The following BRINP1 variants were observed in gnomAD, a reference collection of about 807,000 sequenced individuals.
BRINP1 encodes the protein BMP/retinoic acid-inducible neural-specific protein 1.
Under a neutral mutation model 72.9 loss-of-function variants are expected in BRINP1, and 17 were observed. That is an observed-to-expected ratio of 0.23 (90% CI 0.16 to 0.35). The LOEUF (loss-of-function observed/expected upper bound fraction) is 0.35, where lower values mean the gene tolerates loss of function less well. Among genes scored for constraint, BRINP1 ranks in the 10% least tolerant of loss-of-function variants. The pLI is 1.00. For missense variants in BRINP1, 850 were observed against 1,001.6 expected (o/e 0.85, Z 2.04); for synonymous variants, 418 against 378.5 (o/e 1.10, Z -1.21).
At chr9:119,253,560 C>G (rs1026735930) in intron 2 of BRINP1, among the ~76,000 whole-genome samples, 2 of 151,762 alleles carry the variant, frequency 1.3e-5, no homozygotes, top group African/African-American at 4.8e-5. Context: ...AAATGGACCT[C>G]GTGAAGATAG....
chr9:119,340,147 C>A (rs1831392042), intron 1 of BRINP1, among the ~76,000 whole-genome samples: 2 of 152,176 alleles, frequency 1.3e-5, no homozygotes, highest in East Asian at 3.8e-4. Context: ...ATTTAGAATT[C>A]ATACCCCACC....
At chr9:119,255,656 C>T (rs189936244) in intron 2 of BRINP1, among the ~76,000 whole-genome samples, 46 of 152,110 alleles carry the variant, frequency 3.0e-4, no homozygotes, top group Admixed American at 9.8e-4. Context: ...GACATGATTA[C>T]GAGACAGAAA....
At chr9:119,275,739 CTG>C (rs1830650297) in intron 2 of BRINP1, among the ~76,000 whole-genome samples, 1 of 152,180 alleles carries the variant, frequency 6.6e-6, no homozygotes, top group South Asian at 2.1e-4. Flanking sequence ...AAAGCATGAG[CTG>C]TGTGTCTCTG....
rs545096450 is a variant in BRINP1 at position 119,171,005 on chromosome 9, C to G, written c.1146-2781G>C. On this transcript the variant is annotated intron_variant, in intron 7 of 7. Transcript: ENST00000265922. Reference sequence around the variant, plus strand: ...AGCGCTAAACATGGAAAGGAACAACCGGTACCAGCCGCTGCAAAATCATGC... The same window carrying G: ...AGCGCTAAACATGGAAAGGAACAACGGGTACCAGCCGCTGCAAAATCATGC... 4.9e-4 allele frequency among the ~76,000 whole-genome samples: 70 copies of G among 143,844 alleles called. 1 individual carries two copies. The highest frequency in any genetic ancestry group is 1.0e-3 in the Admixed American group (15 of 14,782). 94.4% of individuals were successfully genotyped at this position (143,844 alleles called of 152,430 possible).
intron 2 of BRINP1, among the ~76,000 whole-genome samples, chr9:119,251,129 T>C (rs1161557615): frequency 1.3e-5 from 2 of 152,210 alleles, no homozygotes; most frequent in Non-Finnish European, 2.9e-5. Context: ...ATTCAAGACA[T>C]AGTTCAAATT....
intron 5 of BRINP1, among the ~76,000 whole-genome samples, chr9:119,220,591 G>C (rs141640766): frequency 6.6e-6 from 1 of 152,114 alleles, no homozygotes; most frequent in East Asian, 1.9e-4. Context: ...GAAACAGAGA[G>C]GTTACTCAGA....
At chr9:119,350,643 C>T (rs962969158) in intron 1 of BRINP1, among the ~76,000 whole-genome samples, 7 of 152,012 alleles carry the variant, frequency 4.6e-5, no homozygotes, top group Admixed American at 2.0e-4. Flanking sequence ...CACACACACT[C>T]GCACGTCCAT....
chr9:119,321,226 C>T (rs374276726), intron 1 of BRINP1, among the ~76,000 whole-genome samples: 1 of 151,982 alleles, frequency 6.6e-6, no homozygotes, highest in African/African-American at 2.4e-5. Flanking sequence ...CCACCGCACC[C>T]GGCCATTGGT....
intron 6 of BRINP1, among the ~76,000 whole-genome samples, chr9:119,212,317 G>T (rs2118875394): frequency 6.6e-6 from 1 of 152,318 alleles, no homozygotes; most frequent in East Asian, 1.9e-4. Context: ...TTTATCTGTG[G>T]TACACAGTGG....
intron 2 of BRINP1, among the ~76,000 whole-genome samples, chr9:119,281,637 C>G (rs1344794541): frequency 1.3e-5 from 2 of 151,922 alleles, no homozygotes; most frequent in Non-Finnish European, 2.9e-5. Context: ...ATTCATTATT[C>G]TGCTAGTTCA....
At chr9:119,180,097 T>TGG in intron 7 of BRINP1, among the ~76,000 whole-genome samples, 1 of 152,278 alleles carries the variant, frequency 6.6e-6, no homozygotes, top group Middle Eastern at 3.4e-3. Flanking sequence ...TTGCCTAAGA[T>TGG]GGGAATACAG....
At chr9:119,176,703 A>G (rs986677227) in intron 7 of BRINP1, among the ~76,000 whole-genome samples, 8 of 152,130 alleles carry the variant, frequency 5.3e-5, no homozygotes, top group African/African-American at 1.7e-4. Flanking sequence ...TAATAATAAA[A>G]AGTACTCTTA....
At chr9:119,280,028 GA>G (rs200640191) in intron 2 of BRINP1, among the ~76,000 whole-genome samples, 2 of 151,386 alleles carry the variant, frequency 1.3e-5, no homozygotes, top group African/African-American at 4.9e-5. Flanking sequence ...GTTATAATTT[GA>G]AAAAAAATGG....
chr9:119,186,741 C>G (rs1311378181), intron 7 of BRINP1, among the ~76,000 whole-genome samples: 2 of 152,150 alleles, frequency 1.3e-5, no homozygotes, highest in African/African-American at 2.4e-5. Flanking sequence ...GACTGAGAGG[C>G]CCTACCTCCA....
chr9:119,201,511 G>A (rs1007511593), intron 7 of BRINP1, among the ~76,000 whole-genome samples: 4 of 152,086 alleles, frequency 2.6e-5, no homozygotes, highest in Admixed American at 6.6e-5. Flanking sequence ...AAAGAAAACC[G>A]CTAAAGAGCT....
intron 5 of BRINP1, among the ~76,000 whole-genome samples, chr9:119,228,224 T>A (rs1412518): frequency 0.47 from 70,962 of 150,946 alleles, 17,014 homozygotes; most frequent in Middle Eastern, 0.67. Context: ...CCTTATCTCA[T>A]TATCTTCCAC....
At chr9:119,247,388 C>A (rs999924688) in intron 3 of BRINP1, among the ~76,000 whole-genome samples, 1 of 151,908 alleles carries the variant, frequency 6.6e-6, no homozygotes, top group Non-Finnish European at 1.5e-5. Flanking sequence ...CACGGTGGCT[C>A]ACACCTGTAA....
intron 6 of BRINP1, among the ~76,000 whole-genome samples, chr9:119,210,705 C>T (rs991892782): frequency 5.3e-5 from 8 of 152,184 alleles, no homozygotes; most frequent in African/African-American, 1.9e-4. Context: ...CTAGAAAAAA[C>T]TCAGGCATTT....
intron 2 of BRINP1, among the ~76,000 whole-genome samples, chr9:119,304,555 A>C (rs1240928054): frequency 6.6e-6 from 1 of 152,204 alleles, no homozygotes; most frequent in African/African-American, 2.4e-5. Flanking sequence ...TTGAGAGATA[A>C]AGAAATTGCC....
Sources: allele counts gnomAD v4.1 joint callset (sites outside exome capture counted in the v4.1 genomes callset), GRCh38; gene constraint gnomAD v4.1.1; transcripts MANE v1.5; gene names NCBI Gene and HGNC (gene_info 2026-07-23, HGNC 2026-07-21).